The following MCC variants were observed in gnomAD, a reference collection of about 807,000 sequenced individuals.
The protein encoded by MCC is MCC regulator of Wnt signaling pathway.
Under a neutral mutation model 116.2 loss-of-function variants are expected in MCC, and 90 were observed. The ratio of observed to expected loss-of-function variants is 0.77; its 90% CI spans 0.65 to 0.92. The LOEUF is 0.92. MCC is among the 40% of genes least tolerant of loss of function. The probability of loss-of-function intolerance (pLI) is 0.00; values close to 1 mark genes in which losing one functional copy is unlikely to be tolerated. For synonymous variants in MCC, 578 were observed against 510.5 expected (o/e 1.13, Z -1.78); for missense variants, 1,516 against 1,312.2 (o/e 1.16, Z -2.40).
At position 113,066,987 on chromosome 5, in the gene MCC, T is replaced by C. The variant is rs369954693; in HGVS notation, c.2029+1093A>G. Among the ~76,000 whole-genome samples, 4 of 152,348 alleles carry C rather than the reference T, an allele frequency of 2.6e-5. No individual in the cohort carries two copies. The East Asian group carries it at 5.8e-4, about 22-fold the overall frequency. The stretch of plus-strand genomic sequence containing the variant: ...CTGCATGGAGAGACGGCCACCTTTC[T>C]CCTTGGGTCTCTCTTTCCTCTTAGC... On this transcript the variant is annotated intron_variant, in intron 13 of 18. Transcript: ENST00000408903.
chr5:113,079,933 T>A (rs1199583128), intron 11 of MCC, among the ~76,000 whole-genome samples: 4 of 151,960 alleles, frequency 2.6e-5, no homozygotes, highest in African/African-American at 9.7e-5. Context: ...ATATCCAGAA[T>A]CTATAAACAA....
intron 2 of MCC, among the ~76,000 whole-genome samples, chr5:113,343,601 C>G (rs1187947410): frequency 6.6e-6 from 1 of 152,184 alleles, no homozygotes; most frequent in Admixed American, 6.5e-5. Context: ...ATAAGACAAA[C>G]AGACAGAGGG....
At chr5:113,417,292 C>T (rs1422506657) in intron 1 of MCC, among the ~76,000 whole-genome samples, 1 of 152,132 alleles carries the variant, frequency 6.6e-6, no homozygotes, top group East Asian at 1.9e-4. Context: ...TATGCTCCTG[C>T]CTAATATATA....
intron 11 of MCC, among the ~76,000 whole-genome samples, chr5:113,075,577 G>C (rs1394176797): frequency 6.6e-6 from 1 of 152,220 alleles, no homozygotes; most frequent in Non-Finnish European, 1.5e-5. Context: ...TCTGTGTCTA[G>C]CTCAAGGTTT....
chr5:113,153,680 A>G (rs889528774), intron 3 of MCC, among the ~76,000 whole-genome samples: 2 of 152,196 alleles, frequency 1.3e-5, no homozygotes, highest in African/African-American at 2.4e-5. Flanking sequence ...TTTCCACCCA[A>G]TTATGGTGAT....
rs187250532 is a variant in MCC, at chr5:113,043,779, C to A, written c.2656-149G>T. 1,544 of 606,678 alleles carry A rather than the reference C, an allele frequency of 2.5e-3. 4 individuals are homozygous for A. The highest frequency in any genetic ancestry group is 3.6e-3 in the Non-Finnish European group (1,246 of 342,238). The allele number at this position is 606,678 out of a possible 1,614,324, so 37.6% of individuals were successfully genotyped here. A position where few individuals can be genotyped will look rare whatever the true frequency, so the allele number is the denominator to read the frequency against. On this transcript the variant is annotated intron_variant, in intron 16 of 18. Transcript: ENST00000408903. Reference sequence around the variant, plus strand: ...CCTCAGGTCATGCCAAAGGGGAAAGCCTGGCAGCAAGCCAAAGAGGCCCCT... The same window carrying A: ...CCTCAGGTCATGCCAAAGGGGAAAGACTGGCAGCAAGCCAAAGAGGCCCCT...
At chr5:113,171,357 CTT>C (rs1229100927) in intron 3 of MCC, among the ~76,000 whole-genome samples, 1 of 151,034 alleles carries the variant, frequency 6.6e-6, no homozygotes, top group Non-Finnish European at 1.5e-5. Context: ...GCGGAAACCT[CTT>C]ATTTTTTAAT....
intron 3 of MCC, among the ~76,000 whole-genome samples, chr5:113,301,933 T>C (rs1766872286): frequency 6.6e-6 from 1 of 152,208 alleles, no homozygotes; most frequent in African/African-American, 2.4e-5. Flanking sequence ...AGGAAGACTT[T>C]CTGCAGGGCA....
intron 15 of MCC, among the ~76,000 whole-genome samples, chr5:113,050,874 G>A (rs114197872): frequency 0.02 from 3,011 of 152,336 alleles, 101 homozygotes; most frequent in African/African-American, 0.068. Context: ...CAAGGCCAGG[G>A]CCGTGGCCTC....
chr5:113,217,690 C>T (rs1763377850), intron 3 of MCC, among the ~76,000 whole-genome samples: 1 of 150,292 alleles, frequency 6.7e-6, no homozygotes, highest in Non-Finnish European at 1.5e-5. Flanking sequence ...TCCACCTGTG[C>T]CCCTAATCTG....
chr5:113,258,062 T>C (rs1765086176), intron 3 of MCC, among the ~76,000 whole-genome samples: 1 of 151,936 alleles, frequency 6.6e-6, no homozygotes, highest in African/African-American at 2.4e-5. Flanking sequence ...TGAATGAGGG[T>C]AGAGAAGATA....
chr5:113,131,221 G>A (rs939856380), intron 5 of MCC, among the ~76,000 whole-genome samples: 3 of 152,142 alleles, frequency 2.0e-5, no homozygotes, highest in Non-Finnish European at 4.4e-5. Flanking sequence ...GGAAAGAAAA[G>A]ATCTCATGTT....
intron 3 of MCC, among the ~76,000 whole-genome samples, chr5:113,326,770 T>C (rs1288499058): frequency 2.0e-5 from 3 of 152,258 alleles, no homozygotes; most frequent in East Asian, 3.8e-4. Context: ...TCCAGTATTA[T>C]GTTAAACATA....
chr5:113,085,826 G>C (rs544684932), intron 8 of MCC, among the ~76,000 whole-genome samples: 15 of 152,168 alleles, frequency 9.9e-5, no homozygotes, highest in African/African-American at 3.1e-4. Flanking sequence ...TGAGCAGCTG[G>C]GACTAGGTGC....
rs1580385075 is a variant in MCC at position 113,445,705 on chromosome 5, AC to A, written c.170+42539del. Among the ~76,000 whole-genome samples the A allele has an allele frequency of 3.9e-5, 6 of 152,050 alleles. No homozygotes were observed. The East Asian group carries it at 1.2e-3, about 29-fold the overall frequency. On this transcript the variant is annotated intron_variant, in intron 1 of 18. Transcript: ENST00000408903. ...AGATTCAATGCTATTCCTATCAAAC[AC>A]CAAACTATCAATGTTGTTTTTCACA... is the stretch of plus-strand genomic sequence containing the variant.
chr5:113,181,773 C>T (rs1050774523), intron 3 of MCC, among the ~76,000 whole-genome samples: 2 of 152,170 alleles, frequency 1.3e-5, no homozygotes, highest in Non-Finnish European at 2.9e-5. Flanking sequence ...CTCACAATTA[C>T]AAAACCAAAA....
chr5:113,358,548 A>C (rs554388350), intron 2 of MCC, among the ~76,000 whole-genome samples: 2 of 152,252 alleles, frequency 1.3e-5, no homozygotes, highest in African/African-American at 4.8e-5. Context: ...GATATTGTCT[A>C]TGTTTAGTGG....
At chr5:113,384,245 T>C (rs1181901880) in intron 2 of MCC, among the ~76,000 whole-genome samples, 2 of 152,190 alleles carry the variant, frequency 1.3e-5, no homozygotes, top group Admixed American at 6.5e-5. Context: ...TATAAACTTA[T>C]GAACAGAAAA....
Position 113,232,482 on chromosome 5 carries a change from A to ACACTCCC in MCC, c.628-81067_628-81061dup, listed in dbSNP as rs1328015812. The stretch of plus-strand genomic sequence containing the variant: ...TCTATCAGCTTTCAGGCATCTCCAA[A>ACACTCCC]CACTCCCTTTGCCTTCCTATTCTGA... On this transcript the variant is annotated intron_variant, in intron 3 of 18. Transcript: ENST00000408903. 2.0e-5 allele frequency among the ~76,000 whole-genome samples: 3 copies of ACACTCCC among 152,266 alleles called. No individual in the cohort carries two copies. In the East Asian group the frequency reaches 5.8e-4, roughly 29 times the overall value.
Sources: gnomAD v4.1 joint callset for allele counts (sites outside exome capture counted in the v4.1 genomes callset) on GRCh38, gnomAD v4.1.1 for gene constraint, MANE v1.5 for transcripts, NCBI Gene and HGNC (gene_info 2026-07-23, HGNC 2026-07-21) for gene names.